The following WDFY1 variants were observed in gnomAD, a reference collection of about 807,000 sequenced individuals.
WDFY1 encodes the protein WD repeat and FYVE domain-containing protein 1.
WDFY1 carries 32 observed loss-of-function variants against 56.4 expected under a neutral mutation model. The observed-to-expected ratio is 0.57, with a 90% CI of 0.43 to 0.76. WDFY1 has a LOEUF of 0.76. WDFY1 is among the 30% of genes least tolerant of loss of function. WDFY1 has a pLI of 0.00. For missense variants in WDFY1, 480 were observed against 545.7 expected, an observed-to-expected ratio of 0.88 and a Z score of 1.20; for synonymous variants, 192 against 197.3, an observed-to-expected ratio of 0.97 and a Z score of 0.23.
chr2:223,893,430 T>A (rs1209575222), intron 8 of WDFY1, among the ~76,000 whole-genome samples: 1 of 151,010 alleles, frequency 6.6e-6, no homozygotes, highest in Non-Finnish European at 1.5e-5. Context: ...CTCAGGAAGC[T>A]GAAGTGGGAG....
At chr2:223,899,131 GA>G in intron 5 of WDFY1, 61 bp from the exon 6 acceptor site, 3 of 1,354,630 alleles carry the variant, frequency 2.2e-6, no homozygotes, top group Non-Finnish European at 3.2e-6. Context: ...TCATAAGAGA[GA>G]TACCAGCATT....
intron 6 of WDFY1, among the ~76,000 whole-genome samples, chr2:223,896,833 C>G (rs2106079483): frequency 6.6e-6 from 1 of 152,248 alleles, no homozygotes; most frequent in South Asian, 2.1e-4. Context: ...AATCTATGTG[C>G]CATCCATTTC....
chr2:223,893,329 C>T (rs975220145), intron 8 of WDFY1, among the ~76,000 whole-genome samples: 16 of 146,208 alleles, frequency 1.1e-4, no homozygotes, highest in Non-Finnish European at 1.5e-4. Context: ...CCAGCCTAGA[C>T]GATACAGCAA....
At chr2:223,898,005 A>G (rs922580899) in intron 6 of WDFY1, among the ~76,000 whole-genome samples, 9 of 152,152 alleles carry the variant, frequency 5.9e-5, no homozygotes, top group Non-Finnish European at 1.2e-4. Context: ...TCTTTTCTTT[A>G]TAAATTACCC....
chr2:223,888,398 A>T (rs1352914351), intron 8 of WDFY1, among the ~76,000 whole-genome samples: 1 of 151,792 alleles, frequency 6.6e-6, no homozygotes, highest in African/African-American at 2.4e-5. Context: ...TTGTCTTCAT[A>T]AGGGGCTGGC....
chr2:223,935,672 T>C (rs984727174), intron 1 of WDFY1, among the ~76,000 whole-genome samples: 2 of 152,168 alleles, frequency 1.3e-5, no homozygotes, highest in Admixed American at 6.5e-5. Context: ...CCTGGTGGAG[T>C]ACAGACTATG....
At chr2:223,894,410 C>A (rs1693327142) in intron 7 of WDFY1, 71 bp from the exon 8 acceptor site, 3 of 1,484,610 alleles carry the variant, frequency 2.0e-6, no homozygotes, top group African/African-American at 2.8e-5. Context: ...CATTTAGGCT[C>A]AAATTGCTCT....
intron 1 of WDFY1, among the ~76,000 whole-genome samples, chr2:223,944,756 T>A (rs1395678328): frequency 1.6e-5 from 2 of 124,572 alleles, no homozygotes; most frequent in Admixed American, 8.0e-5. Flanking sequence ...ACAGGGGTCC[T>A]GAGCAGGAGG....
At chr2:223,908,269 A>T (rs1693635490) in intron 3 of WDFY1, among the ~76,000 whole-genome samples, 1 of 152,218 alleles carries the variant, frequency 6.6e-6, no homozygotes, top group African/African-American at 2.4e-5. Context: ...TCTAATGACC[A>T]GACCACTCTG....
intron 4 of WDFY1, among the ~76,000 whole-genome samples, chr2:223,905,672 G>A (rs677024): frequency 0.93 from 141,666 of 152,192 alleles, 66,005 homozygotes; most frequent in South Asian, 0.96. Flanking sequence ...ATGAAGAGTA[G>A]TGTGTGTTAT....
intron 8 of WDFY1, among the ~76,000 whole-genome samples, chr2:223,889,874 T>G (rs1452883779): frequency 6.6e-6 from 1 of 152,224 alleles, no homozygotes; most frequent in East Asian, 1.9e-4. Flanking sequence ...GTGTTTCATG[T>G]TTTTTTATTC....
chr2:223,893,344 C>T (rs544894396), intron 8 of WDFY1, among the ~76,000 whole-genome samples: 1 of 149,526 alleles, frequency 6.7e-6, no homozygotes, highest in African/African-American at 2.5e-5. Context: ...CAGCAAGACC[C>T]TGTCTCTACC....
At chr2:223,913,212 C>CAAAAAAAAAAAAAAAAAAAAA in intron 2 of WDFY1, among the ~76,000 whole-genome samples, 1 of 59,810 alleles carries the variant, frequency 1.7e-5, no homozygotes, top group Non-Finnish European at 4.3e-5. Flanking sequence ...AACTCCATCT[C>CAAAAAAAAAAAAAAAAAAAAA]AAAAAAAAAA....
chr2:223,900,502 T>A (rs184915817), intron 5 of WDFY1, among the ~76,000 whole-genome samples: 9 of 152,212 alleles, frequency 5.9e-5, no homozygotes, highest in African/African-American at 1.9e-4. Context: ...GGCAGAGGTA[T>A]CCTTAGGTAA....
intron 1 of WDFY1, among the ~76,000 whole-genome samples, chr2:223,942,223 C>CT (rs777737121): frequency 3.4e-3 from 497 of 146,468 alleles, no homozygotes; most frequent in Non-Finnish European, 3.8e-3. Flanking sequence ...AGGCTGCTAA[C>CT]TTTTTTTTTT....
rs1021772034 is a variant in WDFY1 at position 223,887,057 on chromosome 2, T to A, written c.832-2308A>T. On this transcript the variant is annotated intron_variant, in intron 8 of 11. Coordinates refer to ENST00000233055, the MANE Select transcript of WDFY1 (RefSeq NM_020830.5). Reference sequence around the variant, plus strand: ...AAGGTTTCCTTAAATAACTGGGGAATGTTGGAGATGAGAAGGGATGAAAGA... The same window carrying A: ...AAGGTTTCCTTAAATAACTGGGGAAAGTTGGAGATGAGAAGGGATGAAAGA... 1.7e-4 allele frequency among the ~76,000 whole-genome samples: 26 copies of A among 152,156 alleles called. 1 individual carries two copies. The highest frequency in any genetic ancestry group is 6.6e-4 in the Admixed American group (10 of 15,258).
chr2:223,936,250 CAG>C (rs1257239541), intron 1 of WDFY1, among the ~76,000 whole-genome samples: 2 of 151,786 alleles, frequency 1.3e-5, no homozygotes, highest in Admixed American at 6.6e-5. Context: ...TTAGTAGAGA[CAG>C]AGTTTGACTA....
chr2:223,904,247 A>G (rs914446474), intron 4 of WDFY1, among the ~76,000 whole-genome samples: 4 of 151,766 alleles, frequency 2.6e-5, no homozygotes, highest in Admixed American at 6.6e-5. Flanking sequence ...CTTTTCTCCT[A>G]TTTTATTTAT....
chr2:223,945,310 C>A lies in WDFY1; in HGVS notation c.-26G>T. 10 of 1,551,962 alleles carry A rather than the reference C, an allele frequency of 6.4e-6. No individual in the cohort carries two copies. The highest frequency in any genetic ancestry group is 8.6e-6 in the Non-Finnish European group (10 of 1,157,712). On this transcript the variant is annotated 5_prime_UTR_variant, in exon 1 of 12. Coordinates refer to ENST00000233055, the MANE Select transcript of WDFY1 (RefSeq NM_020830.5). ...GTTCGCGCGGCGACTGCTGCGGCCTCCTCGGCAGGCAGCCCATCAGCTGAC... is the reference window on the plus strand; with the variant it reads ...GTTCGCGCGGCGACTGCTGCGGCCTACTCGGCAGGCAGCCCATCAGCTGAC...
Sources: allele counts gnomAD v4.1 joint callset (sites outside exome capture counted in the v4.1 genomes callset), GRCh38; gene constraint gnomAD v4.1.1; transcripts MANE v1.5; gene names NCBI Gene and HGNC (gene_info 2026-07-23, HGNC 2026-07-21).